SLC9C1: variants seen among roughly 807,000 people sequenced by gnomAD.
SLC9C1 encodes solute carrier family 9 member C1, also known as sodium/hydrogen exchanger 10.
Under a neutral mutation model 140.9 loss-of-function variants are expected in SLC9C1, and 97 were observed. The observed-to-expected ratio is 0.69, with a 90% CI of 0.58 to 0.82. The LOEUF (loss-of-function observed/expected upper bound fraction) is 0.82. Among genes scored for constraint, SLC9C1 ranks in the 40% least tolerant of loss-of-function variants. The probability of loss-of-function intolerance (pLI) is 0.00; values close to 1 mark genes in which losing one functional copy is unlikely to be tolerated. For missense variants in SLC9C1, 1,340 were observed against 1,389.3 expected, an observed-to-expected ratio of 0.96 and a Z score of 0.56; for synonymous variants, 440 against 442.6, an observed-to-expected ratio of 0.99 and a Z score of 0.07.
At chr3:112,160,752 T>C (rs373463176) in intron 26 of SLC9C1, among the ~76,000 whole-genome samples, 3,629 of 144,160 alleles carry the variant, frequency 0.025, 57 homozygotes, top group South Asian at 0.039. Flanking sequence ...GTCTTTATAG[T>C]AGCATGATTT....
chr3:112,190,380 A>G (rs2077632156), intron 20 of SLC9C1, among the ~76,000 whole-genome samples: 1 of 152,190 alleles, frequency 6.6e-6, no homozygotes, highest in Non-Finnish European at 1.5e-5. Context: ...TGTGTCATAA[A>G]TAGCTCTTAT....
intron 13 of SLC9C1, among the ~76,000 whole-genome samples, chr3:112,230,278 G>A (rs2078786567): frequency 6.6e-6 from 1 of 152,156 alleles, no homozygotes; most frequent in South Asian, 2.1e-4. Flanking sequence ...CTCAGAAGCT[G>A]TTCATAGGCA....
intron 2 of SLC9C1, among the ~76,000 whole-genome samples, 192 bp from the exon 3 acceptor site, chr3:112,280,975 T>C (rs994752729): frequency 1.6e-4 from 24 of 152,318 alleles, no homozygotes; most frequent in African/African-American, 5.8e-4. Flanking sequence ...CTGTTTTACC[T>C]CTCCTATGAT....
At chr3:112,200,824 A>C (rs2077888172) in intron 18 of SLC9C1, 62 bp from the exon 19 acceptor site, 15 of 1,402,120 alleles carry the variant, frequency 1.1e-5, no homozygotes, top group Middle Eastern at 2.2e-4. Context: ...ATGTCCTTAC[A>C]TTTGCAACTG....
chr3:112,182,336 T>A, intron 20 of SLC9C1, 78 bp from the exon 21 acceptor site: 3 of 1,390,372 alleles, frequency 2.2e-6, no homozygotes, highest in Non-Finnish European at 2.9e-6. Flanking sequence ...GTCTTTGTAC[T>A]ATTTCCTATT....
At chr3:112,217,411 AGC>A (rs746768210) in intron 15 of SLC9C1, 29 bp downstream of exon 15, 4 of 1,554,022 alleles carry the variant, frequency 2.6e-6, no homozygotes, top group Non-Finnish European at 3.5e-6. Context: ...TGAATATAAT[AGC>A]ATTTCTTATA....
Position 112,221,132 on chromosome 3 carries a change from C to T in SLC9C1, c.1666G>A (p.Gly556Arg). 1 of 1,612,526 alleles carries T rather than the reference C, an allele frequency of 6.2e-7. No individual in the cohort carries two copies. The highest frequency in any genetic ancestry group is 8.5e-7 in the Non-Finnish European group (1 of 1,178,852). Reference protein sequence around the residue: ...GAAESFGEKKGKCMSLDTIKN... With the variant: ...GAAESFGEKKRKCMSLDTIKN... ...ATCTCTTGAGAATATACTTACTTTCCCTTCTTCTCACCAAAACTTTCTGCT... is the reference window on the plus strand; with the variant it reads ...ATCTCTTGAGAATATACTTACTTTCTCTTCTTCTCACCAAAACTTTCTGCT... Residue 556 changes from glycine (G) to arginine (R), a missense_variant, in exon 14 of 29, where the codon GGA becomes AGA. By Grantham distance (125) the Gly-to-Arg change is moderately radical. Coordinates refer to ENST00000305815, the MANE Select transcript of SLC9C1 (RefSeq NM_183061.3).
At position 112,151,881 on chromosome 3, in the gene SLC9C1, G is replaced by T; in HGVS notation, c.3500C>A (p.Pro1167His). The change falls in exon 28 of 29, where the codon CCT becomes CAT. Residue 1167 changes from proline (P) to histidine (H), a missense_variant. Coordinates refer to ENST00000305815, the MANE Select transcript of SLC9C1 (RefSeq NM_183061.3). ...CCTGACTTTCCTTAGGTTTATTCTA[G>T]GGGACTCCTTACAGTTGAACTTTGT... ...LGTKFNCKES[P>H]RINLRKVRKE 1.2e-6 allele frequency: 2 copies of T among 1,612,530 alleles called. No individual in the cohort carries two copies. The highest frequency in any genetic ancestry group is 1.1e-5 in the South Asian group (1 of 90,704).
At chr3:112,168,005 TTC>T (rs2077172047) in intron 25 of SLC9C1, among the ~76,000 whole-genome samples, 1 of 152,182 alleles carries the variant, frequency 6.6e-6, no homozygotes, top group Non-Finnish European at 1.5e-5. Flanking sequence ...TTGTGATCCT[TTC>T]TCACCTTGGG....
chr3:112,283,988 C>T (rs1005868555), intron 2 of SLC9C1, among the ~76,000 whole-genome samples: 5 of 152,064 alleles, frequency 3.3e-5, no homozygotes, highest in Non-Finnish European at 7.3e-5. Context: ...GTTGCCTCCG[C>T]GACCCCAAGG....
At chr3:112,213,114 T>C (rs894439361) in intron 15 of SLC9C1, among the ~76,000 whole-genome samples, 1 of 152,164 alleles carries the variant, frequency 6.6e-6, no homozygotes, top group African/African-American at 2.4e-5. Context: ...CTAAGCTTCA[T>C]AAGTGAAGGA....
intron 1 of SLC9C1, among the ~76,000 whole-genome samples, chr3:112,287,107 C>T (rs113259576): frequency 4.4e-4 from 67 of 152,260 alleles, no homozygotes; most frequent in South Asian, 3.1e-3. Context: ...CCAAGCACTA[C>T]GCACTTGTTA....
intron 7 of SLC9C1, among the ~76,000 whole-genome samples, chr3:112,269,454 T>G (rs10934159): frequency 0.3 from 44,865 of 151,882 alleles, 7,138 homozygotes; most frequent in East Asian, 0.42. Flanking sequence ...TTGCATCATG[T>G]TTGAACAATG....
chr3:112,247,056 G>A (rs2079307298), intron 10 of SLC9C1, among the ~76,000 whole-genome samples: 1 of 152,086 alleles, frequency 6.6e-6, no homozygotes, highest in Non-Finnish European at 1.5e-5. Flanking sequence ...TGGGTTTGGA[G>A]GATAAATGCA....
At chr3:112,207,495 C>T (rs2078086802) in intron 16 of SLC9C1, among the ~76,000 whole-genome samples, 1 of 152,076 alleles carries the variant, frequency 6.6e-6, no homozygotes. Flanking sequence ...ATTTAATTCA[C>T]ATCTATGTCT....
At chr3:112,193,021 G>C (rs1049963173) in intron 20 of SLC9C1, among the ~76,000 whole-genome samples, 4 of 152,102 alleles carry the variant, frequency 2.6e-5, no homozygotes, top group Non-Finnish European at 5.9e-5. Flanking sequence ...TGGGGTGTCG[G>C]TTGGGTAGAA....
chr3:112,282,751 A>T (rs1288453647), intron 2 of SLC9C1, among the ~76,000 whole-genome samples: 1 of 152,204 alleles, frequency 6.6e-6, no homozygotes, highest in Non-Finnish European at 1.5e-5. Context: ...CATCCCTTAG[A>T]AAAGTGTCTT....
chr3:112,285,655 C>T (rs574862834), intron 2 of SLC9C1, among the ~76,000 whole-genome samples: 2 of 152,288 alleles, frequency 1.3e-5, no homozygotes, highest in South Asian at 2.1e-4. Context: ...GGACTCCTTG[C>T]GTGGAAAACA....
intron 28 of SLC9C1, among the ~76,000 whole-genome samples, chr3:112,145,899 C>T (rs1398859176): frequency 4.6e-5 from 7 of 152,060 alleles, no homozygotes; most frequent in Non-Finnish European, 1.5e-5. Flanking sequence ...GGGAGTTTCC[C>T]TGCCCAAGCT....
Sources: gnomAD v4.1 joint callset for allele counts (sites outside exome capture counted in the v4.1 genomes callset) on GRCh38, gnomAD v4.1.1 for gene constraint, MANE v1.5 for transcripts, NCBI Gene and HGNC (gene_info 2026-07-23, HGNC 2026-07-21) for gene names.